CUL1: variants seen among roughly 807,000 people sequenced by gnomAD.
The protein encoded by CUL1 is cullin-1.
A neutral mutation model predicts 118.0 loss-of-function variants in CUL1; 24 were observed. The ratio of observed to expected loss-of-function variants is 0.20; its 90% CI spans 0.15 to 0.29. The LOEUF is 0.29. Ranked by LOEUF, CUL1 falls within the 10% of genes least tolerant of loss-of-function variation. CUL1 has a pLI of 1.00. For missense variants in CUL1, 361 were observed against 933.8 expected, an observed-to-expected ratio of 0.39 and a Z score of 7.99; for synonymous variants, 332 against 340.4, an observed-to-expected ratio of 0.98 and a Z score of 0.27.
Position 148,754,106 on chromosome 7 carries a change from C to T in CUL1, c.271C>T (p.Arg91Ter). The T allele has an allele frequency of 6.2e-7, 1 of 1,611,876 alleles. No individual in the cohort carries two copies. Among genetic ancestry groups the T allele is most frequent in the Non-Finnish European group, 8.5e-7 (1 of 1,179,196 alleles). ...AQFVGLELYK[R>*]LKEFLKNYLT... ...GTTTGTTGGCCTGGAATTATATAAA[C>T]GACTTAAGGAATTTTTGAAGAATTA... is the stretch of plus-strand genomic sequence containing the variant. The change falls in exon 3 of 22, where the codon CGA becomes TGA. Residue 91 changes from arginine to a stop codon, truncating the protein, a stop_gained. Coordinates refer to ENST00000325222, the MANE Select transcript of CUL1 (RefSeq NM_003592.3). LOFTEE classifies it high-confidence loss of function.
chr7:148,751,534 C>CAAAAA (rs1166826975), intron 2 of CUL1, among the ~76,000 whole-genome samples: 1 of 65,678 alleles, frequency 1.5e-5, no homozygotes, highest in African/African-American at 5.8e-5. Context: ...GACTCTGTCT[C>CAAAAA]AAAAAAAAAA....
chr7:148,798,021 T>A lies in CUL1; in HGVS notation c.2030+2T>A. The A allele has an allele frequency of 1.3e-6, 2 of 1,566,096 alleles. No individual in the cohort carries two copies. The highest frequency in any genetic ancestry group is 8.8e-7 in the Non-Finnish European group (1 of 1,139,716). On this transcript the variant is annotated splice_donor_variant, in intron 19 of 21. Coordinates refer to ENST00000325222, the MANE Select transcript of CUL1 (RefSeq NM_003592.3). LOFTEE classifies it high-confidence loss of function. ...AAAATTATATCTTGGTTATAAAAAG[T>A]AAGAAAAATCTAATAAGTAGATGGC...
chr7:148,780,502 G>A (rs369571144), intron 9 of CUL1, among the ~76,000 whole-genome samples: 2 of 152,206 alleles, frequency 1.3e-5, no homozygotes, highest in African/African-American at 4.8e-5. Flanking sequence ...GGCTCGAGCC[G>A]CTGGGTGAGT....
Position 148,770,390 on chromosome 7 carries a change from GT to G in CUL1, c.1083+2649del, listed in dbSNP as rs59657582. ...CTTCACTCACAAAAGTCAAATATTA[GT>G]TTTTTTTAGTAAGTTACTGATTCTA... On this transcript the variant is annotated intron_variant, in intron 9 of 21. Coordinates refer to ENST00000325222, the MANE Select transcript of CUL1 (RefSeq NM_003592.3). Among the ~76,000 whole-genome samples the G allele has an allele frequency of 1.9e-3, 285 of 152,064 alleles. 1 individual carries two copies. The highest frequency in any genetic ancestry group is 6.5e-3 in the African/African-American group (268 of 41,494).
At chr7:148,785,302 G>A (rs1800778072) in intron 11 of CUL1, among the ~76,000 whole-genome samples, 3 of 152,080 alleles carry the variant, frequency 2.0e-5, no homozygotes, top group Admixed American at 2.0e-4. Context: ...GGGGCTGCAT[G>A]TTATGACTAT....
chr7:148,738,791 T>C (rs1443994581), intron 2 of CUL1, among the ~76,000 whole-genome samples: 1 of 152,256 alleles, frequency 6.6e-6, no homozygotes, highest in Non-Finnish European at 1.5e-5. Flanking sequence ...ATTTAACTTG[T>C]CCTCATACTG....
chr7:148,733,661 G>GC (rs57286282), intron 2 of CUL1, among the ~76,000 whole-genome samples: 6,912 of 152,282 alleles, frequency 0.045, 562 homozygotes, highest in African/African-American at 0.16. Flanking sequence ...GGAAGAAGGA[G>GC]CTGGCAGTGC....
chr7:148,726,192 T>G (rs1392672762), intron 1 of CUL1, among the ~76,000 whole-genome samples: 1 of 152,160 alleles, frequency 6.6e-6, no homozygotes, highest in Non-Finnish European at 1.5e-5. Flanking sequence ...ATAAAAAGAA[T>G]AGAGAATATG....
intron 4 of CUL1, among the ~76,000 whole-genome samples, chr7:148,757,763 C>T (rs936993742): frequency 1.3e-5 from 2 of 152,126 alleles, no homozygotes; most frequent in African/African-American, 4.8e-5. Flanking sequence ...TTCCACGTGG[C>T]TGGGAAGGCC....
intron 2 of CUL1, among the ~76,000 whole-genome samples, chr7:148,749,062 T>C (rs555360593): frequency 2.6e-5 from 4 of 152,244 alleles, no homozygotes; most frequent in South Asian, 2.1e-4. Context: ...TAAATGCTTA[T>C]TTAAAAAAGG....
At chr7:148,783,285 A>T (rs1800705290) in intron 9 of CUL1, 10 of 974,610 alleles carry the variant, frequency 1.0e-5, no homozygotes, top group Non-Finnish European at 1.2e-5. Context: ...GGCCCCCGGC[A>T]TCGCCACGCG....
At chr7:148,715,610 C>G (rs1460658613) in intron 1 of CUL1, among the ~76,000 whole-genome samples, 1 of 152,160 alleles carries the variant, frequency 6.6e-6, no homozygotes, top group Non-Finnish European at 1.5e-5. Flanking sequence ...CCTTTAAGCA[C>G]AAAATTTTAG....
intron 9 of CUL1, among the ~76,000 whole-genome samples, chr7:148,782,016 A>G (rs1329704864): frequency 6.6e-6 from 1 of 152,216 alleles, no homozygotes; most frequent in Admixed American, 6.5e-5. Flanking sequence ...AGGATCCTGC[A>G]TGTTACCGTA....
At chr7:148,722,647 G>A (rs1798433220) in intron 1 of CUL1, among the ~76,000 whole-genome samples, 1 of 152,234 alleles carries the variant, frequency 6.6e-6, no homozygotes, top group Non-Finnish European at 1.5e-5. Context: ...AACCACCAGA[G>A]TTCAGAAATT....
chr7:148,722,690 C>T (rs73467409), intron 1 of CUL1, among the ~76,000 whole-genome samples: 12,682 of 152,330 alleles, frequency 0.083, 1,653 homozygotes, highest in African/African-American at 0.28. Context: ...CAGAACCTTC[C>T]TCTCCACTCC....
chr7:148,761,434 C>A (rs957815461), intron 7 of CUL1, among the ~76,000 whole-genome samples: 1 of 152,162 alleles, frequency 6.6e-6, no homozygotes, highest in African/African-American at 2.4e-5. Flanking sequence ...TCGCTTGAAC[C>A]TGGGAGGCGG....
intron 1 of CUL1, among the ~76,000 whole-genome samples, chr7:148,718,874 A>C (rs1164943842): frequency 1.8e-4 from 28 of 152,244 alleles, no homozygotes; most frequent in Admixed American, 1.8e-3. Context: ...GATAAATTCA[A>C]GTCTTGAGAA....
chr7:148,735,196 A>G (rs560870458), intron 2 of CUL1, among the ~76,000 whole-genome samples: 1 of 152,230 alleles, frequency 6.6e-6, no homozygotes, highest in Admixed American at 6.5e-5. Flanking sequence ...TTAATTGTCT[A>G]TTTTGACGTT....
In CUL1 at chr7:148,746,040, G is replaced by A. The variant is rs149327146; in HGVS notation, c.141-7936G>A. Among the ~76,000 whole-genome samples the A allele has an allele frequency of 5.6e-3, 852 of 152,048 alleles. 6 individuals are homozygous for A. Among genetic ancestry groups the A allele is most frequent in the African/African-American group, 0.018 (752 of 41,442 alleles). On this transcript the variant is annotated intron_variant, in intron 2 of 21. Transcript: ENST00000325222. The stretch of plus-strand genomic sequence containing the variant: ...TCAAAACAGCTTTTAAGAAGCATTC[G>A]TTTTGTTTCAATTGTGCCTTTCAAT...
Sources: gnomAD v4.1 joint callset for allele counts (sites outside exome capture counted in the v4.1 genomes callset) on GRCh38, gnomAD v4.1.1 for gene constraint, MANE v1.5 for transcripts, NCBI Gene and HGNC (gene_info 2026-07-23, HGNC 2026-07-21) for gene names.